Variants in SGPL1 observed in about 807,000 individuals in gnomAD.
SGPL1 encodes the protein sphingosine-1-phosphate lyase 1, also known as SP-lyase 1.
Under a neutral mutation model 68.9 loss-of-function variants are expected in SGPL1, and 37 were observed. The observed-to-expected ratio is 0.54, with a 90% CI of 0.41 to 0.71. SGPL1 has a LOEUF of 0.71. Ranked by LOEUF, SGPL1 falls within the 30% of genes least tolerant of loss-of-function variation. The pLI is 0.00. For missense variants in SGPL1, 551 were observed against 704.6 expected, an observed-to-expected ratio of 0.78 and a Z score of 2.47; for synonymous variants, 236 against 248.5, an observed-to-expected ratio of 0.95 and a Z score of 0.47.
At chr10:70,841,185 A>G (rs1408261436) in intron 2 of SGPL1, among the ~76,000 whole-genome samples, 4 of 152,116 alleles carry the variant, frequency 2.6e-5, no homozygotes, top group African/African-American at 4.8e-5. Flanking sequence ...TGTTGATGCA[A>G]CAGTGGGCTC....
In SGPL1 at chr10:70,856,276, G is replaced by A. The variant is rs572103981; in HGVS notation, c.410-1338G>A. Among the ~76,000 whole-genome samples the A allele has an allele frequency of 3.3e-5, 5 of 152,314 alleles. No individual in the cohort carries two copies. The East Asian group carries it at 9.6e-4, about 29-fold the overall frequency. On this transcript the variant is annotated intron_variant, in intron 5 of 14. Coordinates refer to ENST00000373202, the MANE Select transcript of SGPL1 (RefSeq NM_003901.4). ...CTCCCAAAGTGCTAGGATTACAGGTGTGAGCCACTGTGCTCGGCCTTGACA... is the reference window on the plus strand; with the variant it reads ...CTCCCAAAGTGCTAGGATTACAGGTATGAGCCACTGTGCTCGGCCTTGACA...
At chr10:70,871,184 G>A (rs1441131750) in intron 10 of SGPL1, 38 bp downstream of exon 10, 1 of 1,397,680 alleles carries the variant, frequency 7.2e-7, no homozygotes, top group Non-Finnish European at 9.9e-7. Context: ...CAGGCAAATG[G>A]ATATTTTAAA....
chr10:70,877,058 G>T, intron 14 of SGPL1, 137 bp from the exon 15 acceptor site: 1 of 750,888 alleles, frequency 1.3e-6, no homozygotes, highest in Non-Finnish European at 2.2e-6. Flanking sequence ...TAGAATGATG[G>T]GATGCCTTAG....
chr10:70,839,429 A>G (rs1845681521), intron 2 of SGPL1, among the ~76,000 whole-genome samples: 1 of 152,018 alleles, frequency 6.6e-6, no homozygotes, highest in Non-Finnish European at 1.5e-5. Flanking sequence ...TACTGAAACT[A>G]CTGTTCTATT....
chr10:70,876,397 C>G, intron 13 of SGPL1, 144 bp from the exon 14 acceptor site: 3 of 703,964 alleles, frequency 4.3e-6, no homozygotes, highest in Non-Finnish European at 6.8e-6. Context: ...CCGAGATTCC[C>G]AGGACTAGGA....
intron 2 of SGPL1, among the ~76,000 whole-genome samples, chr10:70,842,876 C>A (rs1162468032): frequency 6.6e-6 from 1 of 152,196 alleles, no homozygotes; most frequent in African/African-American, 2.4e-5. Flanking sequence ...CACTGTCAGC[C>A]CCTGTCCATG....
intron 2 of SGPL1, among the ~76,000 whole-genome samples, chr10:70,826,202 A>G (rs1479036289): frequency 1.3e-5 from 2 of 151,990 alleles, no homozygotes; most frequent in Admixed American, 6.6e-5. Flanking sequence ...ACAACACAGT[A>G]CAATACAATA....
At position 70,878,855 on chromosome 10, in the gene SGPL1, C is replaced by G. The variant is rs1002061450; in HGVS notation, c.*1520C>G. ...AAAGGGAGCAGCACAGGGAGAGAAA[C>G]AGGATAGGAAAGCAGAATGGCGAGC... On this transcript the variant is annotated 3_prime_UTR_variant, in exon 15 of 15. Transcript: ENST00000373202. The G allele has an allele frequency of 6.6e-6, 1 of 152,650 alleles. No homozygotes were observed. The highest frequency in any genetic ancestry group is 1.5e-5 in the Non-Finnish European group (1 of 68,138). The allele number at this position is 152,650 out of a possible 1,614,324, so 9.5% of individuals were successfully genotyped here.
chr10:70,868,374 G>T lies in SGPL1; in HGVS notation c.645G>T (p.Leu215=). ...CTTCTGGGGGAACAGAAAGCATACT[G>T]ATGGCCTGCAAAGCATATCGGGATC... ...CVTSGGTESI[L]MACKAYRDLA... The change falls in exon 8 of 15, where the codon CTG becomes CTT. Residue 215 remains leucine (L), a synonymous_variant. Transcript: ENST00000373202. 1.9e-6 allele frequency: 3 copies of T among 1,613,446 alleles called. No individual in the cohort carries two copies. The highest frequency in any genetic ancestry group is 2.5e-6 in the Non-Finnish European group (3 of 1,179,658).
intron 7 of SGPL1, among the ~76,000 whole-genome samples, chr10:70,859,779 C>T (rs766764002): frequency 2.0e-5 from 3 of 152,006 alleles, no homozygotes; most frequent in Non-Finnish European, 4.4e-5. Context: ...TTTTTATTTT[C>T]ACCTTTTTAT....
intron 2 of SGPL1, among the ~76,000 whole-genome samples, chr10:70,842,088 T>C (rs1845725330): frequency 1.3e-5 from 2 of 152,210 alleles, no homozygotes; most frequent in South Asian, 2.1e-4. Context: ...TTCTACGTAG[T>C]TCATGTAGAT....
chr10:70,823,160 A>G (rs1217709434), intron 2 of SGPL1, among the ~76,000 whole-genome samples: 2 of 151,940 alleles, frequency 1.3e-5, no homozygotes, highest in South Asian at 2.1e-4. Context: ...TTCTCCGTCA[A>G]TCTCTCTCAC....
chr10:70,852,567 T>C (rs1564625283), intron 4 of SGPL1, among the ~76,000 whole-genome samples: 1 of 152,180 alleles, frequency 6.6e-6, no homozygotes, highest in Non-Finnish European at 1.5e-5. Context: ...GACAAATAAA[T>C]GCTAGGGTTC....
chr10:70,875,432 T>C lies in SGPL1; in HGVS notation c.1329T>C (p.Phe443=). 6.2e-7 allele frequency: 1 copy of C among 1,612,150 alleles called. No individual in the cohort carries two copies. Among genetic ancestry groups the C allele is most frequent in the East Asian group, 2.2e-5 (1 of 44,874 alleles). Residue 443 remains phenylalanine, a synonymous_variant, in exon 13 of 15, where the codon TTT becomes TTC. Transcript: ENST00000373202. The part of the protein sequence containing the change: ...ELENIKGIFV[F]GNPQLSVIAL... ...AAAATATCAAAGGCATCTTTGTTTT[T>C]GGGAATCCCCAATTGTCAGTCATTG... is the stretch of plus-strand genomic sequence containing the variant.
At chr10:70,829,167 G>T (rs530174694) in intron 2 of SGPL1, among the ~76,000 whole-genome samples, 1 of 152,172 alleles carries the variant, frequency 6.6e-6, no homozygotes, top group African/African-American at 2.4e-5. Context: ...ACAGGTTTAC[G>T]ATCTGTAAAG....
rs765538895 is a variant in SGPL1, at chr10:70,851,233, A to AT, written c.261+29dup. 31 of 1,564,412 alleles carry AT rather than the reference A, an allele frequency of 2.0e-5. No individual in the cohort carries two copies. In the African/African-American group the frequency reaches 3.0e-4, roughly 15 times the overall value. ...AAGGTAAGTAGAATCTGTGTATGTCATTTTTTCCCCTCTTGATAATCATAC... is the reference window on the plus strand; with the variant it reads ...AAGGTAAGTAGAATCTGTGTATGTCATTTTTTTCCCCTCTTGATAATCATAC... On this transcript the variant is annotated intron_variant, in intron 4 of 14. Transcript: ENST00000373202.
intron 12 of SGPL1, among the ~76,000 whole-genome samples, chr10:70,874,408 A>G (rs1185343707): frequency 2.6e-5 from 4 of 152,134 alleles, no homozygotes; most frequent in Admixed American, 2.0e-4. Flanking sequence ...ATAGTGAGAC[A>G]TTATCTCTAC....
chr10:70,854,837 A>G lies in SGPL1; in HGVS notation c.391A>G (p.Lys131Glu). 6.2e-7 allele frequency: 1 copy of G among 1,612,148 alleles called. No individual in the cohort carries two copies. Among genetic ancestry groups the G allele is most frequent in the Non-Finnish European group, 8.5e-7 (1 of 1,179,180 alleles). Residue 131 changes from lysine (K) to glutamate (E), a missense_variant, in exon 5 of 15, where the codon AAG (lysine) becomes GAG (glutamate). By Grantham distance (56) the Lys-to-Glu change is moderately conservative. Transcript: ENST00000373202. Reference sequence around the variant, plus strand: ...CTCATCTGCTGTTTTGGAGAAACTTAAGGAGTACAGCTCTATGGGTATGAT... The same window carrying G: ...CTCATCTGCTGTTTTGGAGAAACTTGAGGAGTACAGCTCTATGGGTATGAT... Reference protein sequence around the residue: ...LSSSAVLEKLKEYSSMDAFWQ... With the variant: ...LSSSAVLEKLEEYSSMDAFWQ...
At chr10:70,819,798 T>C (rs566065631) in intron 2 of SGPL1, among the ~76,000 whole-genome samples, 3 of 152,126 alleles carry the variant, frequency 2.0e-5, no homozygotes, top group African/African-American at 7.2e-5. Flanking sequence ...GCCCGGCTGA[T>C]TTTTGTATTT....
Sources: allele counts gnomAD v4.1 joint callset (sites outside exome capture counted in the v4.1 genomes callset), GRCh38; gene constraint gnomAD v4.1.1; transcripts MANE v1.5; gene names NCBI Gene and HGNC (gene_info 2026-07-23, HGNC 2026-07-21).